Variants in FAM13A observed in about 807,000 individuals in gnomAD.
The protein encoded by FAM13A is family with sequence similarity 13 member A.
FAM13A carries 76 observed loss-of-function variants against 129.6 expected under a neutral mutation model. The observed-to-expected ratio is 0.59, with a 90% CI of 0.49 to 0.71. The LOEUF is 0.71. FAM13A is among the 30% of genes least tolerant of loss of function. The pLI is 0.00. For synonymous variants in FAM13A, 443 were observed against 449.9 expected, an observed-to-expected ratio of 0.98 and a Z score of 0.20; for missense variants, 1,108 against 1,249.3, an observed-to-expected ratio of 0.89 and a Z score of 1.70.
intron 7 of FAM13A, among the ~76,000 whole-genome samples, chr4:88,831,457 A>C (rs1733873246): frequency 6.6e-6 from 1 of 152,202 alleles, no homozygotes; most frequent in Admixed American, 6.5e-5. Flanking sequence ...TGTCTATAAA[A>C]CATAAAATAA....
In FAM13A at chr4:88,942,302, C is replaced by T. The variant is rs138838493; in HGVS notation, c.606-4061G>A. ...GTCAAAGAGGCTGGGTATGGTGGCT[C>T]ATGCCTATAATCTCAGCACTTTGGG... On this transcript the variant is annotated intron_variant, in intron 4 of 23. Transcript: ENST00000264344. 6.6e-3 allele frequency among the ~76,000 whole-genome samples: 999 copies of T among 152,254 alleles called. 16 individuals are homozygous for T. Among genetic ancestry groups the T allele is most frequent in the African/African-American group, 0.023 (956 of 41,528 alleles).
intron 1 of FAM13A, among the ~76,000 whole-genome samples, chr4:89,031,948 G>A (rs928434275): frequency 5.9e-5 from 9 of 152,056 alleles, no homozygotes; most frequent in East Asian, 1.9e-4. Context: ...GGCCAGGCAC[G>A]GTGGCTCACA....
chr4:88,944,666 C>A (rs1474825025), intron 4 of FAM13A, among the ~76,000 whole-genome samples: 3 of 152,186 alleles, frequency 2.0e-5, no homozygotes, highest in African/African-American at 7.2e-5. Flanking sequence ...CTTTGGGAGG[C>A]CGAGGCAGGT....
chr4:88,840,107 C>T (rs1212771371), intron 7 of FAM13A, among the ~76,000 whole-genome samples: 2 of 151,998 alleles, frequency 1.3e-5, no homozygotes, highest in Admixed American at 6.6e-5. Context: ...TCCAGGAAGG[C>T]CAGAGGAAAA....
intron 4 of FAM13A, among the ~76,000 whole-genome samples, chr4:88,988,153 A>T (rs1008375302): frequency 2.6e-5 from 4 of 151,968 alleles, no homozygotes; most frequent in African/African-American, 9.7e-5. Flanking sequence ...ATTAAATTAA[A>T]TTTTTTTCAA....
At chr4:88,764,565 T>G (rs1243497752) in intron 13 of FAM13A, among the ~76,000 whole-genome samples, 3 of 152,222 alleles carry the variant, frequency 2.0e-5, no homozygotes, top group African/African-American at 7.2e-5. Context: ...GGGATATCTT[T>G]TAGAATCTAG....
intron 8 of FAM13A, among the ~76,000 whole-genome samples, chr4:88,800,316 T>C (rs1280316246): frequency 6.6e-6 from 1 of 152,226 alleles, no homozygotes; most frequent in African/African-American, 2.4e-5. Flanking sequence ...TTTGTTTATA[T>C]TTTACCATAA....
At chr4:88,871,224 C>T (rs569958603) in intron 6 of FAM13A, among the ~76,000 whole-genome samples, 1 of 152,302 alleles carries the variant, frequency 6.6e-6, no homozygotes, top group South Asian at 2.1e-4. Context: ...ATTCTAAAAA[C>T]CAGAGTGCCT....
At chr4:88,758,960 T>G in intron 13 of FAM13A, 59 bp from the exon 14 acceptor site, 1 of 1,542,360 alleles carries the variant, frequency 6.5e-7, no homozygotes, top group Non-Finnish European at 8.9e-7. Context: ...CCAAGACGTC[T>G]GCAGCAATTC....
chr4:88,890,496 T>A (rs773940627), intron 6 of FAM13A, among the ~76,000 whole-genome samples: 1 of 152,186 alleles, frequency 6.6e-6, no homozygotes, highest in Non-Finnish European at 1.5e-5. Context: ...AAAGAGACTT[T>A]CAGTAGATAC....
At chr4:88,868,315 G>A (rs1433025175) in intron 6 of FAM13A, among the ~76,000 whole-genome samples, 1 of 151,986 alleles carries the variant, frequency 6.6e-6, no homozygotes, top group Non-Finnish European at 1.5e-5. Context: ...CTTTTCCTTT[G>A]GTTCTCTCCT....
intron 7 of FAM13A, among the ~76,000 whole-genome samples, chr4:88,817,890 A>T (rs1046460991): frequency 2.0e-5 from 3 of 152,228 alleles, no homozygotes; most frequent in Non-Finnish European, 4.4e-5. Context: ...AAGCATAAGA[A>T]GACAAAACTA....
intron 5 of FAM13A, among the ~76,000 whole-genome samples, chr4:88,908,603 A>T (rs938569703): frequency 6.6e-6 from 1 of 152,108 alleles, no homozygotes; most frequent in African/African-American, 2.4e-5. Flanking sequence ...TTCCTATAAG[A>T]CTCTGAAAGC....
rs199876516 is a variant in FAM13A, at chr4:88,970,444, G to GAT, written c.605+20527_605+20528dup. On this transcript the variant is annotated intron_variant, in intron 4 of 23. Coordinates refer to ENST00000264344, the MANE Select transcript of FAM13A (RefSeq NM_014883.4). ...AGAGAGAGATGATCTGAGAGAGAGA[G>GAT]ATATATATATATATGATACATAATA... is the stretch of plus-strand genomic sequence containing the variant. Among the ~76,000 whole-genome samples the GAT allele has an allele frequency of 8.2e-3, 1,215 of 148,636 alleles. 13 individuals are homozygous for GAT. The highest frequency in any genetic ancestry group is 0.027 in the African/African-American group (1,099 of 40,540).
rs1326480698 is a variant in FAM13A, at chr4:89,020,532, G to A, written c.355C>T (p.Leu119=). 6.2e-7 allele frequency: 1 copy of A among 1,614,096 alleles called. No homozygotes were observed. The highest frequency in any genetic ancestry group is 1.7e-5 in the Admixed American group (1 of 60,002). Residue 119 remains leucine (L), a synonymous_variant, in exon 3 of 24, where the codon CTG becomes TTG. Transcript: ENST00000264344. ...DVCSAASLLK[L]FLRELPDSLI... Reference sequence around the variant, plus strand: ...CTGTCAGGCAGCTCCCTCAGAAACAGCTTCAACAGACTGGCTGCTGAGCAG... The same window carrying A: ...CTGTCAGGCAGCTCCCTCAGAAACAACTTCAACAGACTGGCTGCTGAGCAG...
chr4:88,899,136 G>A (rs1246631), intron 6 of FAM13A, among the ~76,000 whole-genome samples: 112,100 of 151,490 alleles, frequency 0.74, 41,742 homozygotes, highest in Non-Finnish European at 0.79. Flanking sequence ...ACATACATAC[G>A]TATATATATG....
intron 3 of FAM13A, among the ~76,000 whole-genome samples, chr4:89,003,879 A>G (rs1422102419): frequency 3.9e-5 from 6 of 151,986 alleles, no homozygotes; most frequent in Non-Finnish European, 7.4e-5. Flanking sequence ...ATTTAACACT[A>G]TATTATCAAA....
chr4:88,887,077 A>G (rs540324845), intron 6 of FAM13A, among the ~76,000 whole-genome samples: 15 of 152,298 alleles, frequency 9.8e-5, no homozygotes, highest in African/African-American at 3.1e-4. Context: ...GTTCTCATTC[A>G]TAAGTGGGAG....
At chr4:88,818,565 G>T (rs1281315337) in intron 7 of FAM13A, among the ~76,000 whole-genome samples, 2 of 152,136 alleles carry the variant, frequency 1.3e-5, no homozygotes, top group Non-Finnish European at 2.9e-5. Context: ...TTTATTTGGA[G>T]TAATTAGCAA....
Sources: gnomAD v4.1 joint callset for allele counts (sites outside exome capture counted in the v4.1 genomes callset) on GRCh38, gnomAD v4.1.1 for gene constraint, MANE v1.5 for transcripts, NCBI Gene and HGNC (gene_info 2026-07-23, HGNC 2026-07-21) for gene names.